ROBO2: variants seen among roughly 807,000 people sequenced by gnomAD.
The protein encoded by ROBO2 is roundabout homolog 2.
Under a neutral mutation model 160.8 loss-of-function variants are expected in ROBO2, and 53 were observed. That is an observed-to-expected ratio of 0.33 (90% CI 0.26 to 0.41). ROBO2 has a LOEUF of 0.41. Among genes scored for constraint, ROBO2 ranks in the 10% least tolerant of loss-of-function variants. The pLI, the probability that ROBO2 is intolerant of heterozygous loss-of-function variation, is 1.00. For missense variants in ROBO2, 1,577 were observed against 1,722.4 expected, an observed-to-expected ratio of 0.92 and a Z score of 1.49; for synonymous variants, 664 against 611.7, an observed-to-expected ratio of 1.09 and a Z score of -1.26.
chr3:75,930,658 A>G (rs1947495254), intron 1 of ROBO2, among the ~76,000 whole-genome samples: 1 of 152,162 alleles, frequency 6.6e-6, no homozygotes, highest in Non-Finnish European at 1.5e-5. Flanking sequence ...CACTCGAATA[A>G]TTCAGAGATA....
intron 2 of ROBO2, among the ~76,000 whole-genome samples, chr3:77,162,827 T>C (rs1221105674): frequency 2.6e-5 from 4 of 152,084 alleles, no homozygotes; most frequent in Admixed American, 6.6e-5. Flanking sequence ...ACTTTCTTTT[T>C]TCTTTTCTTT....
chr3:76,018,636 CTTAA>C (rs2066472918), intron 2 of ROBO2, among the ~76,000 whole-genome samples: 2 of 151,840 alleles, frequency 1.3e-5, no homozygotes, highest in Admixed American at 1.3e-4. Context: ...TGACTTCAAA[CTTAA>C]TTGTGTTGTG....
intron 2 of ROBO2, among the ~76,000 whole-genome samples, chr3:76,127,148 C>T (rs974478059): frequency 6.6e-6 from 1 of 152,056 alleles, no homozygotes; most frequent in African/African-American, 2.4e-5. Context: ...TTCATATTTC[C>T]TTGTGGGACA....
chr3:76,037,529 C>T lies in ROBO2; in HGVS notation c.109+99927C>T, dbSNP rs533913115. Among the ~76,000 whole-genome samples, 8 of 151,768 alleles carry T rather than the reference C, an allele frequency of 5.3e-5. No individual in the cohort carries two copies. The South Asian group carries it at 6.2e-4, about 12-fold the overall frequency. ...CTCGGACTCCCAAAGTGCTGGGATT[C>T]GCATGTTCATTTTCCAATCACTATT... On this transcript the variant is annotated intron_variant, in intron 2 of 26. Transcript: ENST00000487694.
intron 2 of ROBO2, among the ~76,000 whole-genome samples, chr3:76,609,730 C>A (rs1300491540): frequency 1.3e-5 from 2 of 152,092 alleles, no homozygotes; most frequent in African/African-American, 4.8e-5. Context: ...TCTCTGATTG[C>A]TTTAGCTAGG....
intron 2 of ROBO2, among the ~76,000 whole-genome samples, chr3:76,798,610 G>C (rs994285663): frequency 6.6e-6 from 1 of 152,174 alleles, no homozygotes; most frequent in African/African-American, 2.4e-5. Context: ...CTGGATATAA[G>C]GCTAGGTGCA....
At chr3:76,486,705 T>C (rs1387377008) in intron 2 of ROBO2, among the ~76,000 whole-genome samples, 1 of 152,200 alleles carries the variant, frequency 6.6e-6, no homozygotes, top group Non-Finnish European at 1.5e-5. Context: ...TATGTTCCTG[T>C]TATTTAGCAG....
At chr3:76,956,958 T>C (rs1439482683) in intron 2 of ROBO2, among the ~76,000 whole-genome samples, 2 of 152,098 alleles carry the variant, frequency 1.3e-5, no homozygotes, top group African/African-American at 4.8e-5. Context: ...ATGTCACTGA[T>C]TTGAAAACCA....
At chr3:77,023,341 C>T (rs897244733) in intron 2 of ROBO2, among the ~76,000 whole-genome samples, 3 of 152,064 alleles carry the variant, frequency 2.0e-5, no homozygotes, top group Admixed American at 6.6e-5. Flanking sequence ...TTTTTTCTTC[C>T]CAGTCTTGGG....
At chr3:76,907,259 G>C (rs2075668423) in intron 2 of ROBO2, among the ~76,000 whole-genome samples, 1 of 152,156 alleles carries the variant, frequency 6.6e-6, no homozygotes. Context: ...TCCTTGTTAT[G>C]TGAAATCATC....
intron 2 of ROBO2, among the ~76,000 whole-genome samples, chr3:76,717,427 G>T (rs1180854924): frequency 6.6e-6 from 1 of 150,888 alleles, no homozygotes; most frequent in East Asian, 2.0e-4. Flanking sequence ...GGAGGTGGAG[G>T]TTGCAGTGAG....
chr3:77,338,791 G>C (rs1366839102), intron 2 of ROBO2, among the ~76,000 whole-genome samples: 1 of 152,094 alleles, frequency 6.6e-6, no homozygotes, highest in Admixed American at 6.6e-5. Context: ...GCAAAGCAAT[G>C]CCATTTTTCC....
intron 2 of ROBO2, among the ~76,000 whole-genome samples, chr3:77,213,415 G>A (rs548392564): frequency 1.1e-4 from 17 of 152,064 alleles, no homozygotes; most frequent in South Asian, 2.1e-4. Flanking sequence ...CTATGGGATC[G>A]GTGGTGATAT....
intron 2 of ROBO2, among the ~76,000 whole-genome samples, chr3:76,216,055 A>G (rs1459218729): frequency 6.6e-6 from 1 of 152,202 alleles, no homozygotes; most frequent in Non-Finnish European, 1.5e-5. Context: ...ATATCCAGCC[A>G]AACTAAGCTT....
intron 2 of ROBO2, among the ~76,000 whole-genome samples, chr3:76,950,501 A>G (rs2078892463): frequency 6.6e-6 from 1 of 152,186 alleles, no homozygotes; most frequent in African/African-American, 2.4e-5. Context: ...TATATATTTT[A>G]TAAAATATGA....
chr3:77,157,947 A>G (rs1466817078), intron 2 of ROBO2, among the ~76,000 whole-genome samples: 1 of 152,118 alleles, frequency 6.6e-6, no homozygotes, highest in African/African-American at 2.4e-5. Flanking sequence ...CTTTTAGCCT[A>G]GATGTTCATA....
At chr3:76,655,641 A>G (rs1200312554) in intron 2 of ROBO2, among the ~76,000 whole-genome samples, 2 of 147,786 alleles carry the variant, frequency 1.4e-5, no homozygotes, top group African/African-American at 2.5e-5. Flanking sequence ...ATTAAAAATT[A>G]ATGAAAAAAG....
At chr3:76,991,558 T>A (rs1217104176) in intron 2 of ROBO2, among the ~76,000 whole-genome samples, 1 of 152,188 alleles carries the variant, frequency 6.6e-6, no homozygotes, top group Non-Finnish European at 1.5e-5. Context: ...GTTGTTTTGC[T>A]TTTTATCACG....
chr3:77,363,610 G>T (rs2070380210), intron 2 of ROBO2, among the ~76,000 whole-genome samples: 1 of 152,150 alleles, frequency 6.6e-6, no homozygotes, highest in African/African-American at 2.4e-5. Context: ...AAATGCGACT[G>T]GACAAAAGGA....
Sources: gnomAD v4.1 joint callset for allele counts (sites outside exome capture counted in the v4.1 genomes callset) on GRCh38, gnomAD v4.1.1 for gene constraint, MANE v1.5 for transcripts, NCBI Gene and HGNC (gene_info 2026-07-23, HGNC 2026-07-21) for gene names.